R3HDM2: variants seen among roughly 807,000 people sequenced by gnomAD.
R3HDM2 encodes R3H domain containing 2.
In R3HDM2, 38 loss-of-function variants were observed where a neutral mutation model predicts 124.5. That is an observed-to-expected ratio of 0.31 (90% CI 0.24 to 0.40). The LOEUF is 0.40. Among genes scored for constraint, R3HDM2 ranks in the 10% least tolerant of loss-of-function variants. The pLI is 1.00. For synonymous variants in R3HDM2, 391 were observed against 448.0 expected, an observed-to-expected ratio of 0.87 and a Z score of 1.61; for missense variants, 869 against 1,236.9, an observed-to-expected ratio of 0.70 and a Z score of 4.46.
chr12:57,268,253 G>A (rs748157233), intron 18 of R3HDM2, 50 bp downstream of exon 18: 2 of 1,574,490 alleles, frequency 1.3e-6, no homozygotes, highest in Non-Finnish European at 8.7e-7. Flanking sequence ...TGCAACTGTT[G>A]CTGAAGGTCT....
At chr12:57,341,476 T>C (rs2059557714) in intron 2 of R3HDM2, 2 of 937,812 alleles carry the variant, frequency 2.1e-6, no homozygotes, top group Non-Finnish European at 2.5e-6. Flanking sequence ...TCACTGGAGG[T>C]AGAGGGAATC....
chr12:57,404,874 C>CA (rs1295938662), intron 1 of R3HDM2, among the ~76,000 whole-genome samples: 1 of 151,256 alleles, frequency 6.6e-6, no homozygotes, highest in East Asian at 1.9e-4. Context: ...ACAGATTTTA[C>CA]AAAAAAATAA....
intron 1 of R3HDM2, among the ~76,000 whole-genome samples, chr12:57,428,497 G>C (rs1485529102): frequency 6.8e-6 from 1 of 147,756 alleles, no homozygotes; most frequent in Non-Finnish European, 1.5e-5. Flanking sequence ...GGGTATGGTG[G>C]GGGGTGTGGT....
rs75541030 is a variant in R3HDM2, at chr12:57,377,863, G to C, written c.-36+17886C>G. On this transcript the variant is annotated intron_variant, in intron 2 of 23. Transcript: ENST00000402412. ...AGAAGTTTGGGAGGCCGAGGTGGGC[G>C]GATTGCTTGAGGTCAGGAGTTTGAG... 8.5e-5 allele frequency among the ~76,000 whole-genome samples: 13 copies of C among 152,234 alleles called. No homozygotes were observed. The East Asian group carries it at 2.3e-3, about 27-fold the overall frequency.
chr12:57,340,416 T>C (rs552943385), intron 2 of R3HDM2, among the ~76,000 whole-genome samples: 2 of 152,284 alleles, frequency 1.3e-5, no homozygotes, highest in South Asian at 2.1e-4. Context: ...TTAACCCTTA[T>C]AGCTCCTGTC....
chr12:57,293,748 T>C (rs780411655), intron 10 of R3HDM2, among the ~76,000 whole-genome samples: 1 of 152,188 alleles, frequency 6.6e-6, no homozygotes, highest in Non-Finnish European at 1.5e-5. Flanking sequence ...ACTAAGGAGA[T>C]TGCTGCTCTA....
At chr12:57,369,817 T>C (rs1256612285) in intron 2 of R3HDM2, among the ~76,000 whole-genome samples, 1 of 152,028 alleles carries the variant, frequency 6.6e-6, no homozygotes, top group Non-Finnish European at 1.5e-5. Flanking sequence ...TATATGAAAT[T>C]TAAAAGCAAC....
intron 1 of R3HDM2, among the ~76,000 whole-genome samples, chr12:57,425,965 T>C (rs1410022836): frequency 2.7e-5 from 4 of 149,576 alleles, no homozygotes; most frequent in African/African-American, 7.4e-5. Flanking sequence ...CGGTGGCTCA[T>C]GCCTGTAATC....
chr12:57,422,584 C>T (rs1393903080), intron 1 of R3HDM2, among the ~76,000 whole-genome samples: 1 of 152,116 alleles, frequency 6.6e-6, no homozygotes, highest in Admixed American at 6.6e-5. Flanking sequence ...TTTTTGTAGG[C>T]CATAATCTTA....
chr12:57,324,831 T>C (rs571583005), intron 2 of R3HDM2, among the ~76,000 whole-genome samples: 33 of 152,280 alleles, frequency 2.2e-4, no homozygotes, highest in African/African-American at 7.7e-4. Flanking sequence ...GTCCTTACCC[T>C]CAGTACCTCA....
At chr12:57,364,143 CTT>C (rs11320875) in intron 2 of R3HDM2, among the ~76,000 whole-genome samples, 262 of 81,538 alleles carry the variant, frequency 3.2e-3, no homozygotes, top group Middle Eastern at 6.2e-3. Flanking sequence ...GACTCGGTGT[CTT>C]TTTTTTTTTT....
At position 57,382,637 on chromosome 12, in the gene R3HDM2, C is replaced by T. The variant is rs187703375; in HGVS notation, c.-36+13112G>A. Among the ~76,000 whole-genome samples, 707 of 150,982 alleles carry T rather than the reference C, an allele frequency of 4.7e-3. 6 individuals are homozygous for T. Among genetic ancestry groups the T allele is most frequent in the African/African-American group, 0.016 (672 of 41,302 alleles). On this transcript the variant is annotated intron_variant, in intron 2 of 23. Transcript: ENST00000402412. ...CGATCACCAGGTCAGGAGATAGAGA[C>T]CATCCTGGCTAACACAGTGAAACCC...
intron 13 of R3HDM2, among the ~76,000 whole-genome samples, chr12:57,280,917 TC>T (rs2045955616): frequency 9.0e-6 from 1 of 110,614 alleles, no homozygotes; most frequent in Admixed American, 1.0e-4. Context: ...TCTTAAGAGA[TC>T]CGTCCTTTTG....
chr12:57,398,068 G>A (rs1442010116), intron 1 of R3HDM2, among the ~76,000 whole-genome samples: 1 of 151,456 alleles, frequency 6.6e-6, no homozygotes, highest in African/African-American at 2.4e-5. Context: ...TGTAATTCCA[G>A]CTACTCAGGA....
chr12:57,258,878 T>C lies in R3HDM2; in HGVS notation c.2301+12A>G, dbSNP rs2039910079. 2 of 1,546,434 alleles carry C rather than the reference T, an allele frequency of 1.3e-6. No individual in the cohort carries two copies. The highest frequency in any genetic ancestry group is 1.4e-5 in the African/African-American group (1 of 72,026). ...ATCTCCTTGCCAAGACAAGGCTGAG[T>C]GCTGCACTCACCTGGGGGCTGCTGT... On this transcript the variant is annotated intron_variant, in intron 20 of 23. Transcript: ENST00000402412.
chr12:57,288,479 C>T (rs921257413), intron 12 of R3HDM2, among the ~76,000 whole-genome samples: 4 of 151,914 alleles, frequency 2.6e-5, no homozygotes, highest in Admixed American at 6.6e-5. Context: ...AATGTCTACA[C>T]ATCTTTTCCA....
In R3HDM2 at chr12:57,296,026, C is replaced by T. The variant is rs866171598; in HGVS notation, c.701+385G>A. Reference sequence around the variant, plus strand: ...CTGGGATTACAGGCGCCTGCCACCGCGCCCGGCTAATTTTTGTATTTTTAG... The same window carrying T: ...CTGGGATTACAGGCGCCTGCCACCGTGCCCGGCTAATTTTTGTATTTTTAG... On this transcript the variant is annotated intron_variant, in intron 9 of 23. Coordinates refer to ENST00000402412, the MANE Select transcript of R3HDM2 (RefSeq NM_001394031.1). This position sits in a 1 kb window ranked among gnomAD's most constrained non-coding sequence, Gnocchi z 4.5. Among the ~76,000 whole-genome samples, 15 of 152,122 alleles carry T rather than the reference C, an allele frequency of 9.9e-5. No individual in the cohort carries two copies. Among genetic ancestry groups the T allele is most frequent in the South Asian group, 2.1e-4 (1 of 4,830 alleles).
rs2049961084 is a variant in R3HDM2 at position 57,296,715 on chromosome 12, C to T, written c.561-164G>A. 5.3e-6 allele frequency: 4 copies of T among 751,004 alleles called. No individual in the cohort carries two copies. The East Asian group carries it at 1.1e-4, about 21-fold the overall frequency. 46.5% of individuals were successfully genotyped at this position (751,004 alleles called of 1,614,324 possible). On this transcript the variant is annotated intron_variant, in intron 8 of 23. Transcript: ENST00000402412. The surrounding 1 kb of genome is among the most constrained non-coding windows in gnomAD (Gnocchi z 4.5). ...CTAAATGGGAACCAAATAGGTTTTT[C>T]TCAGTTTCTTTATCTACAGTATTCT... is the stretch of plus-strand genomic sequence containing the variant.
intron 2 of R3HDM2, among the ~76,000 whole-genome samples, chr12:57,339,523 C>T (rs1011448412): frequency 6.6e-6 from 1 of 151,808 alleles, no homozygotes; most frequent in African/African-American, 2.4e-5. Flanking sequence ...CATGGTGAAA[C>T]CCCATCTGTA....
Sources: allele counts gnomAD v4.1 joint callset (sites outside exome capture counted in the v4.1 genomes callset), GRCh38; gene constraint gnomAD v4.1.1; non-coding constraint Gnocchi (gnomAD v3.1); transcripts MANE v1.5; gene names NCBI Gene and HGNC (gene_info 2026-07-23, HGNC 2026-07-21).